Variants in MAML1 observed in about 807,000 individuals in gnomAD.
The protein encoded by MAML1 is mastermind like transcriptional coactivator 1, also known as mastermind-like protein 1.
Under a neutral mutation model 77.1 loss-of-function variants are expected in MAML1, and 14 were observed. That is an observed-to-expected ratio of 0.18 (90% confidence interval 0.12 to 0.28). MAML1 has a LOEUF of 0.28. MAML1 is among the 10% of genes least tolerant of loss of function. MAML1 has a pLI of 1.00. For synonymous variants in MAML1, 516 were observed against 551.9 expected (o/e 0.93, Z 0.91); for missense variants, 1,217 against 1,327.8 (o/e 0.92, Z 1.30).
chr5:179,752,598 C>CTTTTTTTTTTTTTTTT (rs1172970221), intron 1 of MAML1, among the ~76,000 whole-genome samples: 1 of 71,820 alleles, frequency 1.4e-5, no homozygotes, highest in African/African-American at 5.1e-5. Context: ...ATTAGATACT[C>CTTTTTTTTTTTTTTTT]TTTTTTTTTT....
rs768287852 is a variant in MAML1, at chr5:179,766,395, C to G, written c.1385C>G (p.Ser462Cys). Reference sequence around the variant, plus strand: ...AGCTACAAGCAAGACTTCACTAACTCCAAACTGCTCATGATGCCTAGTGTG... The same window carrying G: ...AGCTACAAGCAAGACTTCACTAACTGCAAACTGCTCATGATGCCTAGTGTG... ...PSSYKQDFTN[S>C]KLLMMPSVNK... The change falls in exon 2 of 5, where the codon TCC becomes TGC. Residue 462 changes from serine to cysteine, a missense_variant. By Grantham distance (112) the Ser-to-Cys change is moderately radical. Coordinates refer to ENST00000292599, the MANE Select transcript of MAML1 (RefSeq NM_014757.5). This position sits in a 1 kb window ranked among gnomAD's most constrained non-coding sequence, Gnocchi z 4.0. The G allele has an allele frequency of 2.5e-6, 4 of 1,611,638 alleles. No individual in the cohort carries two copies. The Admixed American group carries it at 5.0e-5, about 20-fold the overall frequency.
intron 1 of MAML1, among the ~76,000 whole-genome samples, chr5:179,741,162 G>A (rs1375687435): frequency 1.3e-5 from 2 of 152,112 alleles, no homozygotes; most frequent in African/African-American, 2.4e-5. Context: ...AAAAACCTGG[G>A]AATTTTCCAC....
At chr5:179,756,557 G>T (rs1779624723) in intron 1 of MAML1, among the ~76,000 whole-genome samples, 1 of 152,032 alleles carries the variant, frequency 6.6e-6, no homozygotes, top group African/African-American at 2.4e-5. Flanking sequence ...AGTTAATTGG[G>T]AATCAGATCA....
chr5:179,744,675 C>T (rs551701884), intron 1 of MAML1, among the ~76,000 whole-genome samples: 10 of 151,376 alleles, frequency 6.6e-5, no homozygotes, highest in East Asian at 3.9e-4. Flanking sequence ...CTACCATGCC[C>T]GGCTAATTTT....
At chr5:179,752,350 A>AAAATATATAT (rs1554150144) in intron 1 of MAML1, among the ~76,000 whole-genome samples, 7 of 66,716 alleles carry the variant, frequency 1.0e-4, no homozygotes, top group Admixed American at 4.6e-4. Context: ...AAAAAAAAAA[A>AAAATATATAT]ATATATATAT....
At chr5:179,751,704 C>CCA (rs1779492676) in intron 1 of MAML1, among the ~76,000 whole-genome samples, 1 of 151,250 alleles carries the variant, frequency 6.6e-6, no homozygotes, top group South Asian at 2.1e-4. Flanking sequence ...GACTCCATCT[C>CCA]AAAAAAAGAA....
chr5:179,748,779 C>A (rs1035008022), intron 1 of MAML1, among the ~76,000 whole-genome samples: 1 of 152,154 alleles, frequency 6.6e-6, no homozygotes, highest in African/African-American at 2.4e-5. Context: ...GGGAGGGTAC[C>A]AGGTCACATA....
rs1344074945 is a variant in MAML1 at position 179,747,437 on chromosome 5, C to T, written c.315+14010C>T. On this transcript the variant is annotated intron_variant, in intron 1 of 4. Coordinates refer to ENST00000292599, the MANE Select transcript of MAML1 (RefSeq NM_014757.5). ...CTTCATTGATCACACTAGGAGGGAG[C>T]GACCTGAATGTCCATCACAGATGAA... 3.3e-5 allele frequency among the ~76,000 whole-genome samples: 5 copies of T among 152,236 alleles called. No homozygotes were observed. In the East Asian group the frequency reaches 9.6e-4, roughly 29 times the overall value.
chr5:179,753,216 TGTGTGTGCGCGCGC>T (rs1231796316), intron 1 of MAML1, among the ~76,000 whole-genome samples: 1 of 79,650 alleles, frequency 1.3e-5, no homozygotes, highest in East Asian at 3.1e-4. Context: ...TGTGTGTGTG[TGTGTGTGCGCGCGC>T]GCGCGCGCGT....
intron 1 of MAML1, among the ~76,000 whole-genome samples, chr5:179,733,715 ATGT>A (rs1282542882): frequency 6.6e-6 from 1 of 152,148 alleles, no homozygotes. Flanking sequence ...TGATTCCGGG[ATGT>A]TGAGATCTTT....
chr5:179,743,213 A>G (rs1296479815), intron 1 of MAML1, among the ~76,000 whole-genome samples: 1 of 143,678 alleles, frequency 7.0e-6, no homozygotes, highest in Admixed American at 7.0e-5. Context: ...CCACCATGCC[A>G]GGCTAATTTT....
At chr5:179,738,758 A>T (rs1779222078) in intron 1 of MAML1, among the ~76,000 whole-genome samples, 1 of 151,592 alleles carries the variant, frequency 6.6e-6, no homozygotes, top group Non-Finnish European at 1.5e-5. Context: ...GACACCAAGG[A>T]TGGACTTGCC....
chr5:179,735,976 G>T (rs1030125100), intron 1 of MAML1, among the ~76,000 whole-genome samples: 2 of 151,476 alleles, frequency 1.3e-5, no homozygotes, highest in African/African-American at 2.4e-5. Context: ...GTGAGCCACC[G>T]CGCCCGGCCT....
At chr5:179,753,214 TGTGTGTGTGCGCGCGC>T (rs1258091370) in intron 1 of MAML1, among the ~76,000 whole-genome samples, 3 of 130,322 alleles carry the variant, frequency 2.3e-5, no homozygotes, top group Non-Finnish European at 5.0e-5. Context: ...TGTGTGTGTG[TGTGTGTGTGCGCGCGC>T]GCGCGCGCGT....
At chr5:179,736,507 T>G (rs1241845256) in intron 1 of MAML1, among the ~76,000 whole-genome samples, 2 of 151,976 alleles carry the variant, frequency 1.3e-5, no homozygotes, top group Admixed American at 6.6e-5. Flanking sequence ...CGCACTGGCC[T>G]CCCAAAGTGC....
chr5:179,766,910 G>T lies in MAML1; in HGVS notation c.1731+169G>T, dbSNP rs924443727. 2.6e-5 allele frequency among the ~76,000 whole-genome samples: 4 copies of T among 152,196 alleles called. No individual in the cohort carries two copies. The highest frequency in any genetic ancestry group is 6.5e-5 in the Admixed American group (1 of 15,280). ...GTGGAAATTTATAAAATAAACCAGG[G>T]TTGATTGTTAATAAAAAATAGGGTA... On this transcript the variant is annotated intron_variant, in intron 2 of 4. Transcript: ENST00000292599. The surrounding 1 kb of genome is among the most constrained non-coding windows in gnomAD (Gnocchi z 4.0).
rs1562560517 is a variant in MAML1 at position 179,753,659 on chromosome 5, T to TA, written c.316-11667_316-11666insA. On this transcript the variant is annotated intron_variant, in intron 1 of 4. Coordinates refer to ENST00000292599, the MANE Select transcript of MAML1 (RefSeq NM_014757.5). The stretch of plus-strand genomic sequence containing the variant: ...GTTGTTTTATTATTATTATTATTTT[T>TA]TTTTTTTTTTTTTTTTTTGAGGCAG... Among the ~76,000 whole-genome samples the TA allele has an allele frequency of 4.7e-5, 6 of 128,030 alleles. No homozygotes were observed. In the South Asian group the frequency reaches 1.3e-3, roughly 28 times the overall value. 84.0% of individuals were successfully genotyped at this position (128,030 alleles called of 152,430 possible). A position where few individuals can be genotyped will look rare whatever the true frequency, so the allele number is the denominator to read the frequency against.
chr5:179,743,560 C>CG (rs1216452867), intron 1 of MAML1, among the ~76,000 whole-genome samples: 8 of 150,924 alleles, frequency 5.3e-5, no homozygotes, highest in Admixed American at 2.0e-4. Flanking sequence ...TTAGTAGAGA[C>CG]GGAGTTTCAC....
chr5:179,735,730 C>T (rs1011607155), intron 1 of MAML1, among the ~76,000 whole-genome samples: 1 of 151,370 alleles, frequency 6.6e-6, no homozygotes, highest in Admixed American at 6.6e-5. Flanking sequence ...CCCTGTCACC[C>T]AGGCTGGAGT....
Sources: allele counts gnomAD v4.1 joint callset (sites outside exome capture counted in the v4.1 genomes callset), GRCh38; gene constraint gnomAD v4.1.1; non-coding constraint Gnocchi (gnomAD v3.1); transcripts MANE v1.5; gene names NCBI Gene and HGNC (gene_info 2026-07-23, HGNC 2026-07-21).